The following SYNE1 variants were observed in gnomAD, a reference collection of about 807,000 sequenced individuals.
The protein encoded by SYNE1 is spectrin repeat containing nuclear envelope protein 1.
A neutral mutation model predicts 1,111.0 loss-of-function variants in SYNE1; 616 were observed. The ratio of observed to expected loss-of-function variants is 0.55; its 90% CI spans 0.52 to 0.59. The LOEUF (loss-of-function observed/expected upper bound fraction) is 0.59. SYNE1 is among the 20% of genes least tolerant of loss of function. The probability of loss-of-function intolerance (pLI) is 0.00; values close to 1 mark genes in which losing one functional copy is unlikely to be tolerated. For synonymous variants in SYNE1, 3,855 were observed against 3,825.8 expected (o/e 1.01, Z -0.28); for missense variants, 10,006 against 10,417.0 (o/e 0.96, Z 1.72).
chr6:152,217,392 T>C (rs1242996007), intron 121 of SYNE1, among the ~76,000 whole-genome samples: 9 of 122,180 alleles, frequency 7.4e-5, no homozygotes, highest in African/African-American at 2.7e-4. Context: ...CAAGACTCCG[T>C]CACAAAAAAA....
Position 152,398,680 on chromosome 6 carries a change from T to C in SYNE1, c.7289A>G (p.Lys2430Arg). Residue 2430 changes from lysine (K) to arginine (R), a missense_variant, in exon 49 of 146, where the codon AAA (lysine) becomes AGA (arginine). By Grantham distance (26) the Lys-to-Arg change is conservative. Around this residue, in one of 7 missense-constraint regions of SYNE1, gnomAD observed 4,955 missense variants for 5,017.2 expected, o/e 0.99. Transcript: ENST00000367255. ...EWFLGAKAAA[K>R]ESSDRTGDSK... ...GTCACCGGTGCGATCTGATGATTCT[T>C]TTGCTGCTGCCTTTGCTCCCAAAAA... 4 of 1,614,038 alleles carry C rather than the reference T, an allele frequency of 2.5e-6. No individual in the cohort carries two copies. Among genetic ancestry groups the C allele is most frequent in the Non-Finnish European group, 3.4e-6 (4 of 1,179,944 alleles).
intron 51 of SYNE1, among the ~76,000 whole-genome samples, chr6:152,393,665 GC>G (rs1167149637): frequency 6.6e-6 from 1 of 152,046 alleles, no homozygotes; most frequent in African/African-American, 2.4e-5. Context: ...ACAATTTATA[GC>G]AGTCATCAAA....
chr6:152,389,249 T>C (rs1244162566), intron 53 of SYNE1, among the ~76,000 whole-genome samples: 2 of 152,174 alleles, frequency 1.3e-5, no homozygotes, highest in Non-Finnish European at 2.9e-5. Flanking sequence ...AGAGTTGCTG[T>C]ATAGGTAAAC....
intron 39 of SYNE1, among the ~76,000 whole-genome samples, chr6:152,423,203 C>A (rs1286051681): frequency 6.6e-6 from 1 of 152,210 alleles, no homozygotes; most frequent in Non-Finnish European, 1.5e-5. Flanking sequence ...CCTCCAATAA[C>A]CTGTCTTAAC....
At position 152,331,543 on chromosome 6, in the gene SYNE1, T is replaced by C; in HGVS notation, c.13142A>G (p.Gln4381Arg). The C allele has an allele frequency of 6.2e-7, 1 of 1,614,186 alleles. No homozygotes were observed. Among genetic ancestry groups the C allele is most frequent in the Non-Finnish European group, 8.5e-7 (1 of 1,180,034 alleles). The change falls in exon 78 of 146, where the codon CAG becomes CGG. Residue 4381 changes from glutamine (Q) to arginine (R), a missense_variant. Around this residue, in one of 7 missense-constraint regions of SYNE1, gnomAD observed 4,955 missense variants for 5,017.2 expected, o/e 0.99. Coordinates refer to ENST00000367255, the MANE Select transcript of SYNE1 (RefSeq NM_182961.4). Reference sequence around the variant, plus strand: ...GGCCAGGTGATCCATGAGAAGGTTCTGAGCCATATCTGGAGGAGGGCTCTG... The same window carrying C: ...GGCCAGGTGATCCATGAGAAGGTTCCGAGCCATATCTGGAGGAGGGCTCTG... ...LKQSPPPDMA[Q>R]NLLMDHLAIC...
chr6:152,528,030 T>G (rs894234420), intron 4 of SYNE1, among the ~76,000 whole-genome samples: 1 of 152,138 alleles, frequency 6.6e-6, no homozygotes, highest in African/African-American at 2.4e-5. Flanking sequence ...TACTGGCCCC[T>G]CTGCATGGGA....
chr6:152,425,337 A>G (rs781585981), intron 39 of SYNE1, 44 bp downstream of exon 39: 2 of 1,589,174 alleles, frequency 1.3e-6, no homozygotes, highest in African/African-American at 1.3e-5. Flanking sequence ...TCATCATTTA[A>G]AAACAAATGA....
chr6:152,567,985 G>T (rs1169082755), intron 3 of SYNE1, among the ~76,000 whole-genome samples: 1 of 152,080 alleles, frequency 6.6e-6, no homozygotes, highest in African/African-American at 2.4e-5. Context: ...TTGATGAATA[G>T]TTTAGGGAAA....
intron 3 of SYNE1, among the ~76,000 whole-genome samples, chr6:152,542,195 T>C (rs966818242): frequency 2.0e-5 from 3 of 152,196 alleles, no homozygotes; most frequent in Admixed American, 1.3e-4. Context: ...TTTGCTTGTC[T>C]ACTAGAATGT....
In SYNE1 at chr6:152,564,375, G is replaced by A. The variant is rs551236295; in HGVS notation, c.68-24354C>T. Among the ~76,000 whole-genome samples, 21 of 152,288 alleles carry A rather than the reference G, an allele frequency of 1.4e-4. No homozygotes were observed. The South Asian group carries it at 4.4e-3, about 32-fold the overall frequency. The stretch of plus-strand genomic sequence containing the variant: ...TCTGTCACCCAGACAGGAGCGCAGT[G>A]GCATGCTCTCGGCTCACTATAGCCT... On this transcript the variant is annotated intron_variant, in intron 3 of 145. Coordinates refer to ENST00000367255, the MANE Select transcript of SYNE1 (RefSeq NM_182961.4).
At chr6:152,344,379 TC>T (rs1378752728) in intron 73 of SYNE1, 152 bp from the exon 74 acceptor site, 5 of 1,215,674 alleles carry the variant, frequency 4.1e-6, no homozygotes, top group Non-Finnish European at 5.8e-6. Flanking sequence ...GTTGTATGTC[TC>T]CCCAGATGTT....
chr6:152,286,683 T>C (rs1224419859), intron 95 of SYNE1, among the ~76,000 whole-genome samples: 2 of 152,218 alleles, frequency 1.3e-5, no homozygotes, highest in African/African-American at 4.8e-5. Context: ...GAGTTGTTTG[T>C]ATATTCTGGA....
intron 40 of SYNE1, among the ~76,000 whole-genome samples, chr6:152,418,298 G>C (rs1204286674): frequency 6.6e-6 from 1 of 152,052 alleles, no homozygotes; most frequent in Non-Finnish European, 1.5e-5. Context: ...TAATCATCAG[G>C]GAAGATAGCT....
chr6:152,612,472 C>A (rs972364819), intron 3 of SYNE1, among the ~76,000 whole-genome samples: 1 of 152,066 alleles, frequency 6.6e-6, no homozygotes, highest in African/African-American at 2.4e-5. Context: ...CTGAATAGAC[C>A]AATAACAGGC....
At position 152,391,590 on chromosome 6, in the gene SYNE1, AAAAAG is replaced by A. The variant is rs377191239; in HGVS notation, c.7713-27_7713-23del. On this transcript the variant is annotated intron_variant, in intron 51 of 145. Coordinates refer to ENST00000367255, the MANE Select transcript of SYNE1 (RefSeq NM_182961.4). Reference sequence around the variant, plus strand: ...CTCTCTGAAAAAAAGGAAAAAAAAAAAAAAGAAAAAAAATTAATTCTGACATCCTG... The same window carrying A: ...CTCTCTGAAAAAAAGGAAAAAAAAAAAAAAAAAATTAATTCTGACATCCTG... 1,175 of 1,556,168 alleles carry A rather than the reference AAAAAG, an allele frequency of 7.6e-4. 9 individuals carry two copies. The African/African-American group carries it at 0.015, about 20-fold the overall frequency.
Position 152,425,506 on chromosome 6 carries a change from G to T in SYNE1, c.5142C>A (p.Ser1714Arg), listed in dbSNP as rs1322370416. Residue 1714 changes from serine (S) to arginine (R), a missense_variant, in exon 39 of 146, where the codon AGC (serine) becomes AGA (arginine). Transcript: ENST00000367255. ...NEVVSQASFY[S>R]KLLQLKESLF... is the part of the protein sequence containing the mutation. ...ATGATTCCTTCAATTGCAAAAGTTT[G>T]CTATAGAATGAGGCCTGGGATACAA... 2 of 1,614,040 alleles carry T rather than the reference G, an allele frequency of 1.2e-6. No homozygotes were observed. Among genetic ancestry groups the T allele is most frequent in the Non-Finnish European group, 1.7e-6 (2 of 1,180,044 alleles).
intron 40 of SYNE1, 142 bp from the exon 41 acceptor site, chr6:152,417,157 G>T: frequency 2.4e-6 from 3 of 1,253,984 alleles, no homozygotes; most frequent in Non-Finnish European, 3.3e-6. Flanking sequence ...GTGAATCTTA[G>T]AAAATTCACA....
intron 3 of SYNE1, among the ~76,000 whole-genome samples, chr6:152,555,409 A>G (rs780557499): frequency 6.6e-6 from 1 of 152,206 alleles, no homozygotes; most frequent in Non-Finnish European, 1.5e-5. Flanking sequence ...TACAGTGTTC[A>G]GTACAGTAAA....
chr6:152,282,112 G>A (rs1043186156), intron 96 of SYNE1, 132 bp from the exon 97 acceptor site: 7 of 899,588 alleles, frequency 7.8e-6, no homozygotes, highest in Middle Eastern at 3.2e-4. Flanking sequence ...AATTTCCTTT[G>A]CTTAGGCCAC....
Sources: gnomAD v4.1 joint callset for allele counts (sites outside exome capture counted in the v4.1 genomes callset) on GRCh38, gnomAD v4.1.1 for gene constraint, gnomAD v4.1.1 regional missense constraint, MANE v1.5 for transcripts, NCBI Gene and HGNC (gene_info 2026-07-23, HGNC 2026-07-21) for gene names.